The following CAP2 variants were observed in gnomAD, a reference collection of about 807,000 sequenced individuals.
CAP2 encodes the protein adenylyl cyclase-associated protein 2.
In CAP2, 24 loss-of-function variants were observed where a neutral mutation model predicts 57.7. That is an observed-to-expected ratio of 0.42 (90% confidence interval 0.30 to 0.58). CAP2 has a LOEUF of 0.58. Among genes scored for constraint, CAP2 ranks in the 20% least tolerant of loss-of-function variants. The pLI is 0.22. For missense variants in CAP2, 501 were observed against 590.3 expected (o/e 0.85, Z 1.57); for synonymous variants, 194 against 207.2 (o/e 0.94, Z 0.55).
rs546251088 is a variant in CAP2 at position 17,501,327 on chromosome 6, G to A, written c.301-5842G>A. Among the ~76,000 whole-genome samples the A allele has an allele frequency of 2.0e-3, 310 of 152,012 alleles. 1 individual carries two copies. Among genetic ancestry groups the A allele is most frequent in the African/African-American group, 7.2e-3 (297 of 41,474 alleles). ...GAAGCAATGAATAATTACATCTACGGGAAAAAAAATGAACACCAACTTTTA... is the reference window on the plus strand; with the variant it reads ...GAAGCAATGAATAATTACATCTACGAGAAAAAAAATGAACACCAACTTTTA... On this transcript the variant is annotated intron_variant, in intron 4 of 12. Coordinates refer to ENST00000229922, the MANE Select transcript of CAP2 (RefSeq NM_006366.3).
intron 7 of CAP2, among the ~76,000 whole-genome samples, chr6:17,526,531 G>C (rs1032017021): frequency 6.6e-6 from 1 of 152,182 alleles, no homozygotes; most frequent in African/African-American, 2.4e-5. Flanking sequence ...GTCACCCACT[G>C]CCTTTCATTC....
chr6:17,476,452 G>A (rs1761152332), intron 4 of CAP2, among the ~76,000 whole-genome samples: 1 of 152,182 alleles, frequency 6.6e-6, no homozygotes. Flanking sequence ...GAGAGCTCTT[G>A]TCTTTTCCTC....
intron 3 of CAP2, among the ~76,000 whole-genome samples, chr6:17,434,019 A>G (rs972313324): frequency 1.3e-5 from 2 of 152,066 alleles, no homozygotes; most frequent in Non-Finnish European, 2.9e-5. Context: ...AGGATTGCCC[A>G]TTTACTCTAC....
At chr6:17,490,741 A>G in intron 4 of CAP2, among the ~76,000 whole-genome samples, 1 of 152,124 alleles carries the variant, frequency 6.6e-6, no homozygotes, top group East Asian at 1.9e-4. Context: ...TTAGGCCAGG[A>G]TTGCTGGAGT....
intron 7 of CAP2, among the ~76,000 whole-genome samples, chr6:17,532,762 CA>C (rs372842125): frequency 7.5e-6 from 1 of 133,822 alleles, no homozygotes; most frequent in South Asian, 2.4e-4. Context: ...CACACACACA[CA>C]AAAAAAACTG....
chr6:17,443,663 A>C (rs1332924749), intron 3 of CAP2, among the ~76,000 whole-genome samples: 1 of 152,126 alleles, frequency 6.6e-6, no homozygotes, highest in Non-Finnish European at 1.5e-5. Context: ...CATGTAAGAA[A>C]AAACAGTCTC....
At position 17,393,754 on chromosome 6, in the gene CAP2, T is replaced by C. The variant is rs929691356; in HGVS notation, c.-2+8T>C. The C allele has an allele frequency of 1.3e-5, 2 of 151,148 alleles. No individual in the cohort carries two copies. Among genetic ancestry groups the C allele is most frequent in the Non-Finnish European group, 3.0e-5 (2 of 67,498 alleles). The allele number at this position is 151,148 out of a possible 1,614,324, so 9.4% of individuals were successfully genotyped here. ...CCCAGGGCAGCGAAGCAGGTAATCC[T>C]GCAGCGGTCGGGGCCCGGCGAGGCG... On this transcript the variant is annotated splice_region_variant and intron_variant, in intron 1 of 12. Transcript: ENST00000229922.
rs369973304 is a variant in CAP2 at position 17,508,572 on chromosome 6, C to T, written c.530+846C>T. Among the ~76,000 whole-genome samples, 133 of 152,272 alleles carry T rather than the reference C, an allele frequency of 8.7e-4. 5 individuals carry two copies. The South Asian group carries it at 0.027, about 31-fold the overall frequency. ...CAAATATAAGAGCAACAAGGTTCTA[C>T]CTGCTTCTGGCCCTGGACTCAAGAG... On this transcript the variant is annotated intron_variant, in intron 6 of 12. Coordinates refer to ENST00000229922, the MANE Select transcript of CAP2 (RefSeq NM_006366.3).
chr6:17,514,934 G>T (rs1388578438), intron 7 of CAP2, among the ~76,000 whole-genome samples: 1 of 151,344 alleles, frequency 6.6e-6, no homozygotes, highest in African/African-American at 2.4e-5. Flanking sequence ...GCTGGGCACG[G>T]TGACTGTAAT....
intron 3 of CAP2, among the ~76,000 whole-genome samples, chr6:17,457,375 T>C (rs985418175): frequency 1.3e-5 from 2 of 152,212 alleles, no homozygotes; most frequent in African/African-American, 4.8e-5. Context: ...ATTCTCCCTT[T>C]GAAGTTACCA....
chr6:17,459,509 A>G (rs1760667667), intron 3 of CAP2, among the ~76,000 whole-genome samples: 2 of 152,234 alleles, frequency 1.3e-5, no homozygotes, highest in Admixed American at 6.5e-5. Flanking sequence ...CTAGCATGCA[A>G]AGTAGAAAGA....
At chr6:17,476,166 T>C (rs887798481) in intron 4 of CAP2, among the ~76,000 whole-genome samples, 1 of 152,210 alleles carries the variant, frequency 6.6e-6, no homozygotes, top group African/African-American at 2.4e-5. Context: ...ACTAAAATCT[T>C]TCTGATTATT....
intron 2 of CAP2, among the ~76,000 whole-genome samples, chr6:17,422,135 A>G (rs1469427967): frequency 6.6e-6 from 1 of 152,228 alleles, no homozygotes; most frequent in Non-Finnish European, 1.5e-5. Context: ...TGTTATCTAC[A>G]TAATTATCAA....
intron 4 of CAP2, among the ~76,000 whole-genome samples, chr6:17,465,182 C>CT (rs1267237601): frequency 6.6e-5 from 10 of 152,024 alleles, no homozygotes; most frequent in Non-Finnish European, 1.2e-4. Context: ...CTACTGCATT[C>CT]TTTTTTTTCT....
chr6:17,461,821 T>G (rs1760729201), intron 3 of CAP2, among the ~76,000 whole-genome samples: 1 of 148,496 alleles, frequency 6.7e-6, no homozygotes, highest in Non-Finnish European at 1.5e-5. Flanking sequence ...TGAAACCCCG[T>G]CTCTACTAAA....
intron 3 of CAP2, among the ~76,000 whole-genome samples, chr6:17,430,274 C>T (rs1759693726): frequency 6.6e-6 from 1 of 152,296 alleles, no homozygotes; most frequent in African/African-American, 2.4e-5. Flanking sequence ...AAGATTAGAA[C>T]TTGTAAAGCC....
At chr6:17,394,779 G>C (rs569746081) in intron 1 of CAP2, among the ~76,000 whole-genome samples, 7 of 152,288 alleles carry the variant, frequency 4.6e-5, no homozygotes, top group South Asian at 2.1e-4. Flanking sequence ...GTGAACTTTA[G>C]AGAATTGGAT....
Position 17,465,394 on chromosome 6 carries a change from AG to A in CAP2, c.300+2324del. Among the ~76,000 whole-genome samples the A allele has an allele frequency of 2.6e-5, 4 of 152,286 alleles. No homozygotes were observed. The Middle Eastern group carries it at 0.014, about 518-fold the overall frequency. On this transcript the variant is annotated intron_variant, in intron 4 of 12. Coordinates refer to ENST00000229922, the MANE Select transcript of CAP2 (RefSeq NM_006366.3). Reference sequence around the variant, plus strand: ...ATAAAGGGGAGGGAAACTGGTTCCCAGGGAGGCATGCACTGGAAACGTCTGG... The same window carrying A: ...ATAAAGGGGAGGGAAACTGGTTCCCAGGAGGCATGCACTGGAAACGTCTGG...
intron 6 of CAP2, among the ~76,000 whole-genome samples, chr6:17,509,926 G>T (rs1762102937): frequency 6.6e-6 from 1 of 151,624 alleles, no homozygotes; most frequent in South Asian, 2.1e-4. Flanking sequence ...TCTTTTATTC[G>T]GGCAGCAGCA....
Sources: gnomAD v4.1 joint callset for allele counts (sites outside exome capture counted in the v4.1 genomes callset) on GRCh38, gnomAD v4.1.1 for gene constraint, MANE v1.5 for transcripts, NCBI Gene and HGNC (gene_info 2026-07-23, HGNC 2026-07-21) for gene names.